The following FRY variants were observed in gnomAD, a reference collection of about 807,000 sequenced individuals.
The protein encoded by FRY is FRY microtubule binding protein, also known as protein furry homolog.
A neutral mutation model predicts 348.4 loss-of-function variants in FRY; 128 were observed. That is an observed-to-expected ratio of 0.37 (90% confidence interval 0.32 to 0.43). FRY has a LOEUF of 0.43. Among genes scored for constraint, FRY ranks in the 20% least tolerant of loss-of-function variants. The pLI is 1.00. For synonymous variants in FRY, 1,370 were observed against 1,374.7 expected (o/e 1.00, Z 0.08); for missense variants, 2,736 against 3,695.2 (o/e 0.74, Z 6.73).
rs1440792795 is a variant in FRY, at chr13:32,148,272, A to T, written c.1392+325A>T. On this transcript the variant is annotated intron_variant, in intron 13 of 60. Coordinates refer to ENST00000542859, the MANE Select transcript of FRY (RefSeq NM_023037.3). ...TTTTTTTCCTGTTTCTCTGCTCTGG[A>T]TTCTACAAGTAAAGAGGAAGCAAAG... Among the ~76,000 whole-genome samples, 6 of 152,256 alleles carry T rather than the reference A, an allele frequency of 3.9e-5. No homozygotes were observed. In the East Asian group the frequency reaches 1.2e-3, roughly 29 times the overall value.
At chr13:32,235,481 A>G (rs1162868998) in intron 42 of FRY, among the ~76,000 whole-genome samples, 1 of 152,202 alleles carries the variant, frequency 6.6e-6, no homozygotes, top group Non-Finnish European at 1.5e-5. Context: ...AAAATTAGCT[A>G]GGCGTGGTAG....
At chr13:32,156,041 A>T (rs1881085038) in intron 15 of FRY, among the ~76,000 whole-genome samples, 1 of 152,228 alleles carries the variant, frequency 6.6e-6, no homozygotes, top group African/African-American at 2.4e-5. Context: ...TGTTAAATTT[A>T]GTTTAACATG....
At chr13:32,063,124 C>T (rs1874043956) in intron 1 of FRY, among the ~76,000 whole-genome samples, 2 of 152,084 alleles carry the variant, frequency 1.3e-5, no homozygotes, top group African/African-American at 2.4e-5. Flanking sequence ...GGGACCCTGG[C>T]GGGGAACAGC....
At chr13:32,287,164 C>CAA (rs373301111) in intron 58 of FRY, among the ~76,000 whole-genome samples, 2 of 111,010 alleles carry the variant, frequency 1.8e-5, no homozygotes, top group Non-Finnish European at 3.7e-5. Flanking sequence ...GACTCCATCT[C>CAA]AAAAAAAAAA....
At chr13:32,080,058 A>G (rs1384859531) in intron 2 of FRY, among the ~76,000 whole-genome samples, 1 of 152,240 alleles carries the variant, frequency 6.6e-6, no homozygotes, top group African/African-American at 2.4e-5. Flanking sequence ...AGAATTCAAG[A>G]ATGTTTGTTA....
intron 1 of FRY, 84 bp downstream of exon 1, chr13:32,031,949 A>G: frequency 5.0e-6 from 4 of 792,080 alleles, no homozygotes; most frequent in Non-Finnish European, 4.5e-6. Flanking sequence ...AACTGGACAC[A>G]TATGTTTGTG....
intron 29 of FRY, among the ~76,000 whole-genome samples, chr13:32,197,882 T>C (rs1224557237): frequency 1.3e-5 from 2 of 152,242 alleles, no homozygotes; most frequent in African/African-American, 4.8e-5. Flanking sequence ...GAGTCTCAAC[T>C]ACCTCCCATA....
At chr13:32,274,454 TC>T in intron 55 of FRY, among the ~76,000 whole-genome samples, 1 of 151,990 alleles carries the variant, frequency 6.6e-6, no homozygotes, top group Non-Finnish European at 1.5e-5. Context: ...ACACCTGTAA[TC>T]CCAGCACTTT....
chr13:32,056,105 C>T (rs1184530021), intron 1 of FRY, among the ~76,000 whole-genome samples: 10 of 150,616 alleles, frequency 6.6e-5, no homozygotes, highest in Admixed American at 6.6e-4. Context: ...GCAGGAGAAT[C>T]ACTGGAACCC....
At position 32,045,137 on chromosome 13, in the gene FRY, T is replaced by G. The variant is rs572830928; in HGVS notation, c.70+13272T>G. ...TCAACTTGCTGAACCTGTGACTTCATCTCTCTCCTCCAGGACCCCTATAGG... is the reference window on the plus strand; with the variant it reads ...TCAACTTGCTGAACCTGTGACTTCAGCTCTCTCCTCCAGGACCCCTATAGG... On this transcript the variant is annotated intron_variant, in intron 1 of 60. Coordinates refer to ENST00000542859, the MANE Select transcript of FRY (RefSeq NM_023037.3). Among the ~76,000 whole-genome samples the G allele has an allele frequency of 2.0e-5, 3 of 152,292 alleles. No individual in the cohort carries two copies. The South Asian group carries it at 6.2e-4, about 32-fold the overall frequency.
At chr13:32,090,279 C>T (rs1227777159) in intron 2 of FRY, among the ~76,000 whole-genome samples, 1 of 133,888 alleles carries the variant, frequency 7.5e-6, no homozygotes, top group Non-Finnish European at 1.5e-5. Context: ...ACCCGGAAGT[C>T]GGAGGTTGCA....
chr13:32,231,009 T>C (rs781383754), intron 40 of FRY, among the ~76,000 whole-genome samples, 170 bp from the exon 41 acceptor site: 2 of 152,210 alleles, frequency 1.3e-5, no homozygotes, highest in African/African-American at 2.4e-5. Context: ...GGGTTTTTTT[T>C]CTTGTAAATT....
chr13:32,129,624 C>G (rs1200247581), intron 7 of FRY, among the ~76,000 whole-genome samples: 1 of 152,106 alleles, frequency 6.6e-6, no homozygotes, highest in Non-Finnish European at 1.5e-5. Flanking sequence ...TAGGAAAATA[C>G]CCTGAAATAT....
chr13:32,236,656 G>A (rs1021258606), intron 43 of FRY, among the ~76,000 whole-genome samples: 1 of 150,082 alleles, frequency 6.7e-6, no homozygotes, highest in East Asian at 2.0e-4. Flanking sequence ...TCCTGCCAAT[G>A]TTTAATAATT....
At chr13:32,138,119 T>C in intron 11 of FRY, among the ~76,000 whole-genome samples, 1 of 151,636 alleles carries the variant, frequency 6.6e-6, no homozygotes, top group Admixed American at 6.6e-5. Context: ...TTCAGGTTTG[T>C]TTTTTTTGTT....
intron 31 of FRY, among the ~76,000 whole-genome samples, chr13:32,204,303 A>G (rs1415690368): frequency 6.9e-6 from 1 of 145,040 alleles, no homozygotes; most frequent in African/African-American, 2.6e-5. Context: ...CACCACCACC[A>G]TCATCATTGT....
rs1337807324 is a variant in FRY, at chr13:32,267,360, G to T, written c.8136+1G>T. On this transcript the variant is annotated splice_donor_variant, in intron 55 of 60. Transcript: ENST00000542859. LOFTEE classifies it high-confidence loss of function. Reference sequence around the variant, plus strand: ...TCATGTGTTCTCCTCCTTGTTTAAGGTATGTGTGCTCACTGAAAGTGCAGA... The same window carrying T: ...TCATGTGTTCTCCTCCTTGTTTAAGTTATGTGTGCTCACTGAAAGTGCAGA... The T allele has an allele frequency of 1.2e-6, 2 of 1,613,280 alleles. No homozygotes were observed. Among genetic ancestry groups the T allele is most frequent in the Non-Finnish European group, 8.5e-7 (1 of 1,179,454 alleles).
At chr13:32,205,038 A>G (rs1884271485) in intron 31 of FRY, among the ~76,000 whole-genome samples, 1 of 152,154 alleles carries the variant, frequency 6.6e-6, no homozygotes, top group South Asian at 2.1e-4. Context: ...CCCTGTCTCT[A>G]CTAAAAATAC....
intron 55 of FRY, 111 bp from the exon 56 acceptor site, chr13:32,274,731 C>CAAAAA (rs1888429145): frequency 4.2e-6 from 2 of 474,394 alleles, no homozygotes; most frequent in Non-Finnish European, 7.6e-6. Flanking sequence ...AAAAAAAAAT[C>CAAAAA]AGTTAATGTA....
Sources: gnomAD v4.1 joint callset for allele counts (sites outside exome capture counted in the v4.1 genomes callset) on GRCh38, gnomAD v4.1.1 for gene constraint, MANE v1.5 for transcripts, NCBI Gene and HGNC (gene_info 2026-07-23, HGNC 2026-07-21) for gene names.